Variants in CDH18 observed in about 807,000 individuals in gnomAD.
CDH18 encodes cadherin-18.
A neutral mutation model predicts 67.9 loss-of-function variants in CDH18; 31 were observed. The observed-to-expected ratio is 0.46, with a 90% CI of 0.34 to 0.62. CDH18 has a LOEUF of 0.62. CDH18 is among the 20% of genes least tolerant of loss of function. The pLI, the probability that CDH18 is intolerant of heterozygous loss-of-function variation, is 0.01. For missense variants in CDH18, 890 were observed against 975.5 expected (o/e 0.91, Z 1.17); for synonymous variants, 362 against 347.2 (o/e 1.04, Z -0.48).
At chr5:20,490,945 CT>C (rs1472580265) in intron 1 of CDH18, among the ~76,000 whole-genome samples, 1 of 151,956 alleles carries the variant, frequency 6.6e-6, no homozygotes, top group African/African-American at 2.4e-5. Context: ...TGGGGGTATC[CT>C]TAACATTTTA....
intron 2 of CDH18, among the ~76,000 whole-genome samples, chr5:20,232,230 GA>G (rs1194313870): frequency 1.3e-5 from 2 of 151,776 alleles, no homozygotes; most frequent in Non-Finnish European, 2.9e-5. Flanking sequence ...AATCTAAGAA[GA>G]AGGCAGTTTG....
rs201162788 is a variant in CDH18 at position 19,561,388 on chromosome 5, C to T, written c.1253+10191G>A. Among the ~76,000 whole-genome samples the T allele has an allele frequency of 3.9e-5, 6 of 152,176 alleles. No individual in the cohort carries two copies. In the East Asian group the frequency reaches 1.2e-3, roughly 29 times the overall value. On this transcript the variant is annotated intron_variant, in intron 8 of 12. Transcript: ENST00000382275. ...ATGGATGGAATTGGAAACCATTATT[C>T]TAAGTTCAATAACTCGGGAATGGAA...
In CDH18 at chr5:19,638,977, G is replaced by GTTTTTTTTTTTTTTTTTTTTTTTTTT. The variant is rs34631530; in HGVS notation, c.644-26402_644-26377dup. Among the ~76,000 whole-genome samples, 28 of 54,714 alleles carry GTTTTTTTTTTTTTTTTTTTTTTTTTT rather than the reference G, an allele frequency of 5.1e-4. 2 individuals are homozygous for GTTTTTTTTTTTTTTTTTTTTTTTTTT. The highest frequency in any genetic ancestry group is 9.9e-4 in the African/African-American group (19 of 19,134). The allele number at this position is 54,714 out of a possible 152,430, so 35.9% of individuals were successfully genotyped here. ...GATCGCTGGGAAGTTTTTTGTTGCT[G>GTTTTTTTTTTTTTTTTTTTTTTTTTT]TTTTTTTTTTTTTTTTTTTTTTTTT... On this transcript the variant is annotated intron_variant, in intron 5 of 12. Coordinates refer to ENST00000382275, the MANE Select transcript of CDH18 (RefSeq NM_004934.5).
intron 3 of CDH18, among the ~76,000 whole-genome samples, chr5:19,758,734 G>A (rs1301138792): frequency 6.6e-6 from 1 of 152,182 alleles, no homozygotes; most frequent in Non-Finnish European, 1.5e-5. Flanking sequence ...TATCTTGACA[G>A]GCCCCACACC....
Position 19,520,645 on chromosome 5 carries a change from C to T in CDH18, c.1512+12G>A. ...TCCATTCAAATGAGGAGGAAGGAAA[C>T]AATTAACTTACCTGGCCAGGCTTAG... On this transcript the variant is annotated intron_variant, in intron 10 of 12. Coordinates refer to ENST00000382275, the MANE Select transcript of CDH18 (RefSeq NM_004934.5). 6.2e-7 allele frequency: 1 copy of T among 1,602,544 alleles called. No individual in the cohort carries two copies. Among genetic ancestry groups the T allele is most frequent in the Non-Finnish European group, 8.5e-7 (1 of 1,175,596 alleles).
At chr5:20,528,946 A>C (rs1756232412) in intron 1 of CDH18, among the ~76,000 whole-genome samples, 1 of 142,338 alleles carries the variant, frequency 7.0e-6, no homozygotes, top group African/African-American at 2.5e-5. Flanking sequence ...ACATCAATGA[A>C]TCCAGGAGCT....
At chr5:19,476,684 T>G (rs1017336172) in intron 12 of CDH18, among the ~76,000 whole-genome samples, 2 of 152,086 alleles carry the variant, frequency 1.3e-5, no homozygotes, top group African/African-American at 4.8e-5. Context: ...CTGCCTAATT[T>G]ATTATAATAC....
chr5:20,494,939 CAGAG>C (rs1753820555), intron 1 of CDH18, among the ~76,000 whole-genome samples: 1 of 152,100 alleles, frequency 6.6e-6, no homozygotes, highest in Non-Finnish European at 1.5e-5. Flanking sequence ...ATGAGGGAAG[CAGAG>C]AGAGACAGTG....
chr5:20,288,139 C>T (rs1293502354), intron 1 of CDH18, among the ~76,000 whole-genome samples: 1 of 151,480 alleles, frequency 6.6e-6, no homozygotes, highest in Non-Finnish European at 1.5e-5. Flanking sequence ...GGCATAAATT[C>T]CTTTCTGCAA....
chr5:20,405,736 T>G (rs926693872), intron 1 of CDH18, among the ~76,000 whole-genome samples: 2 of 151,920 alleles, frequency 1.3e-5, no homozygotes, highest in Admixed American at 1.3e-4. Flanking sequence ...CAAACAAATT[T>G]ACAAGAAAAT....
intron 1 of CDH18, among the ~76,000 whole-genome samples, chr5:20,556,687 C>T (rs1757924073): frequency 6.6e-6 from 1 of 152,034 alleles, no homozygotes; most frequent in South Asian, 2.1e-4. Flanking sequence ...GTGGATTATT[C>T]GCCCACTCCC....
At chr5:20,317,119 T>G (rs1172102018) in intron 1 of CDH18, among the ~76,000 whole-genome samples, 1 of 152,024 alleles carries the variant, frequency 6.6e-6, no homozygotes, top group Non-Finnish European at 1.5e-5. Context: ...CTATTATAAA[T>G]CAATTAAACT....
intron 2 of CDH18, among the ~76,000 whole-genome samples, chr5:20,111,066 T>G (rs868614698): frequency 1.2e-4 from 18 of 152,326 alleles, no homozygotes; most frequent in East Asian, 1.9e-4. Flanking sequence ...CAGTTTCAAC[T>G]GCTCATATAC....
At chr5:19,893,080 A>G (rs531667418) in intron 2 of CDH18, among the ~76,000 whole-genome samples, 2 of 152,252 alleles carry the variant, frequency 1.3e-5, no homozygotes, top group African/African-American at 4.8e-5. Context: ...AGCCCTCATG[A>G]ATGGCATTAG....
intron 1 of CDH18, among the ~76,000 whole-genome samples, chr5:20,419,428 G>GT (rs1172014722): frequency 7.6e-5 from 9 of 118,382 alleles, no homozygotes; most frequent in African/African-American, 2.5e-4. Context: ...AATTTCCGTT[G>GT]TTTCTAAGCC....
chr5:19,624,323 A>G (rs1438945709), intron 5 of CDH18, among the ~76,000 whole-genome samples: 1 of 151,642 alleles, frequency 6.6e-6, no homozygotes, highest in Non-Finnish European at 1.5e-5. Context: ...TCATTAATCT[A>G]AAAAGACATG....
At chr5:20,271,544 T>C (rs1246321833) in intron 1 of CDH18, among the ~76,000 whole-genome samples, 1 of 151,914 alleles carries the variant, frequency 6.6e-6, no homozygotes, top group Non-Finnish European at 1.5e-5. Context: ...ACCCCAGAAA[T>C]AGGTACAATG....
At position 19,534,233 on chromosome 5, in the gene CDH18, C is replaced by T. The variant is rs190372409; in HGVS notation, c.1390+9636G>A. On this transcript the variant is annotated intron_variant, in intron 9 of 12. Coordinates refer to ENST00000382275, the MANE Select transcript of CDH18 (RefSeq NM_004934.5). ...CTTTCATTTTGTTACAATAATTCAT[C>T]CACTTATGGACAAATTTCATGTATT... Among the ~76,000 whole-genome samples, 388 of 151,980 alleles carry T rather than the reference C, an allele frequency of 2.6e-3. 3 individuals carry two copies. Among genetic ancestry groups the T allele is most frequent in the African/African-American group, 8.9e-3 (371 of 41,466 alleles).
intron 2 of CDH18, among the ~76,000 whole-genome samples, chr5:19,999,487 A>T (rs1247539391): frequency 6.6e-6 from 1 of 152,176 alleles, no homozygotes; most frequent in Admixed American, 6.5e-5. Context: ...CTATAATCCC[A>T]GCTACTCGGG....
Sources: allele counts gnomAD v4.1 joint callset (sites outside exome capture counted in the v4.1 genomes callset), GRCh38; gene constraint gnomAD v4.1.1; transcripts MANE v1.5; gene names NCBI Gene and HGNC (gene_info 2026-07-23, HGNC 2026-07-21).